CDH1: variants seen among roughly 807,000 people sequenced by gnomAD.
CDH1 encodes the protein cadherin 1, also known as cadherin-1.
Under a neutral mutation model 84.5 loss-of-function variants are expected in CDH1, and 35 were observed. That is an observed-to-expected ratio of 0.41 (90% confidence interval 0.32 to 0.55). CDH1 has a LOEUF of 0.55. Ranked by LOEUF, CDH1 falls within the 20% of genes least tolerant of loss-of-function variation. The pLI, the probability that CDH1 is intolerant of heterozygous loss-of-function variation, is 0.19. For missense variants in CDH1, 994 were observed against 1,126.6 expected (o/e 0.88, Z 1.68); for synonymous variants, 417 against 439.0 (o/e 0.95, Z 0.63).
In CDH1 at chr16:68,808,416, C is replaced by G. The variant is rs774601444; in HGVS notation, c.388-8C>G. On this transcript the variant is annotated splice_polypyrimidine_tract_variant and splice_region_variant and intron_variant, in intron 3 of 15. Coordinates refer to ENST00000261769, the MANE Select transcript of CDH1 (RefSeq NM_004360.5). ...TCTTATCTTGTTCCTCATCTTCTTTCCTTTTAGGCCTCCGTTTCTGGAATC... is the reference window on the plus strand; with the variant it reads ...TCTTATCTTGTTCCTCATCTTCTTTGCTTTTAGGCCTCCGTTTCTGGAATC... 1 of 1,614,146 alleles carries G rather than the reference C, an allele frequency of 6.2e-7. No individual in the cohort carries two copies. The highest frequency in any genetic ancestry group is 8.5e-7 in the Non-Finnish European group (1 of 1,179,992).
At position 68,835,313 on chromosome 16, in the gene CDH1, A is replaced by G. The variant is rs2152145002; in HGVS notation, c.*1814A>G. 4.4e-6 allele frequency: 1 copy of G among 225,522 alleles called. No homozygotes were observed. The highest frequency in any genetic ancestry group is 8.8e-6 in the Non-Finnish European group (1 of 113,164). 14.0% of individuals were successfully genotyped at this position (225,522 alleles called of 1,614,324 possible). On this transcript the variant is annotated 3_prime_UTR_variant, in exon 16 of 16. Coordinates refer to ENST00000261769, the MANE Select transcript of CDH1 (RefSeq NM_004360.5). Reference sequence around the variant, plus strand: ...TTTCTCAAGTGTTTTGGAGAAAAAAATCAACCCTGCAATCACTTTTTGGAA... The same window carrying G: ...TTTCTCAAGTGTTTTGGAGAAAAAAGTCAACCCTGCAATCACTTTTTGGAA...
chr16:68,810,069 A>AGAC, intron 5 of CDH1, 128 bp from the exon 6 acceptor site: 1 of 908,990 alleles, frequency 1.1e-6, no homozygotes, highest in Non-Finnish European at 1.8e-6. Flanking sequence ...GAGAAAAGTC[A>AGAC]CCCACTGGGG....
At chr16:68,767,893 C>T (rs983000820) in intron 2 of CDH1, among the ~76,000 whole-genome samples, 1 of 152,004 alleles carries the variant, frequency 6.6e-6, no homozygotes, top group Non-Finnish European at 1.5e-5. Context: ...CTAAGTGTTC[C>T]AGACCAGCTG....
At chr16:68,795,040 TCA>T (rs1960321913) in intron 2 of CDH1, among the ~76,000 whole-genome samples, 1 of 152,170 alleles carries the variant, frequency 6.6e-6, no homozygotes, top group Admixed American at 6.5e-5. Flanking sequence ...AAATGAGGTT[TCA>T]CTATGTTGCT....
At chr16:68,755,760 ATTTTT>A (rs34523825) in intron 2 of CDH1, among the ~76,000 whole-genome samples, 1 of 122,464 alleles carries the variant, frequency 8.2e-6, no homozygotes. Context: ...AGTTTTCTAA[ATTTTT>A]TTTTTTTTTT....
At chr16:68,743,425 G>T (rs772191573) in intron 2 of CDH1, among the ~76,000 whole-genome samples, 2 of 151,252 alleles carry the variant, frequency 1.3e-5, no homozygotes, top group African/African-American at 2.4e-5. Context: ...GTGTAGAGAG[G>T]TAGGATCTCA....
rs761981219 is a variant in CDH1 at position 68,811,853 on chromosome 16, C to A, written c.1002C>A (p.Asp334Glu). Residue 334 changes from aspartate to glutamate, a missense_variant, in exon 7 of 16, where the codon GAC becomes GAA. Asp to Glu is a conservative substitution (Grantham distance 45, BLOSUM62 2). This residue lies in a region of CDH1 where 769 missense variants were observed against 881.8 expected (regional missense o/e 0.87). Transcript: ENST00000261769. ...TCAGTGTGGTCACCACTGGGCTGGACCGAGAGGTCAGGGGTCAGGAGGATC... is the reference window on the plus strand; with the variant it reads ...TCAGTGTGGTCACCACTGGGCTGGAACGAGAGGTCAGGGGTCAGGAGGATC... Reference protein sequence around the residue: ...GVISVVTTGLDRESFPTYTLV... With the variant: ...GVISVVTTGLERESFPTYTLV... 1 of 1,614,094 alleles carries A rather than the reference C, an allele frequency of 6.2e-7. No individual in the cohort carries two copies. The highest frequency in any genetic ancestry group is 8.5e-7 in the Non-Finnish European group (1 of 1,180,008).
intron 2 of CDH1, among the ~76,000 whole-genome samples, chr16:68,746,086 G>T (rs1332064907): frequency 6.6e-6 from 1 of 152,168 alleles, no homozygotes; most frequent in Non-Finnish European, 1.5e-5. Context: ...CAAAGTGCTG[G>T]GATCGCACGC....
chr16:68,806,213 A>C (rs761822366), intron 3 of CDH1, among the ~76,000 whole-genome samples: 3 of 151,546 alleles, frequency 2.0e-5, no homozygotes, highest in African/African-American at 4.9e-5. Flanking sequence ...GTGCAGTGGC[A>C]TGATCTCAGC....
intron 2 of CDH1, among the ~76,000 whole-genome samples, chr16:68,796,472 C>T (rs963325506): frequency 6.6e-6 from 1 of 152,078 alleles, no homozygotes; most frequent in South Asian, 2.1e-4. Flanking sequence ...ACCAGGCGGG[C>T]GTGGGAGAAG....
chr16:68,752,724 C>A (rs977321503), intron 2 of CDH1, among the ~76,000 whole-genome samples: 50 of 152,088 alleles, frequency 3.3e-4, no homozygotes, highest in African/African-American at 1.2e-3. Context: ...GTAACCTTAC[C>A]TAATTGTCTT....
At chr16:68,813,043 T>A (rs1960882505) in intron 8 of CDH1, among the ~76,000 whole-genome samples, 1 of 151,996 alleles carries the variant, frequency 6.6e-6, no homozygotes, top group Admixed American at 6.6e-5. Context: ...CCTTGTCACA[T>A]CTTCTCCTTG....
rs1596978912 is a variant in CDH1, at chr16:68,835,478, G to A, written c.*1979G>A. Reference sequence around the variant, plus strand: ...GGGGTGGAAAAGGAAAACAATTCAAGCTGAGAAAAGTATTCTCAAAGATGC... The same window carrying A: ...GGGGTGGAAAAGGAAAACAATTCAAACTGAGAAAAGTATTCTCAAAGATGC... On this transcript the variant is annotated 3_prime_UTR_variant, in exon 16 of 16. Transcript: ENST00000261769. The A allele has an allele frequency of 9.7e-6, 2 of 207,204 alleles. No homozygotes were observed. The highest frequency in any genetic ancestry group is 1.5e-4 in the East Asian group (2 of 13,630). The allele number at this position is 207,204 out of a possible 1,614,324, so 12.8% of individuals were successfully genotyped here.
intron 2 of CDH1, among the ~76,000 whole-genome samples, chr16:68,739,229 A>G (rs1197749627): frequency 1.3e-5 from 2 of 151,984 alleles, no homozygotes; most frequent in African/African-American, 2.4e-5. Flanking sequence ...CCTGGCCAAC[A>G]TGGTGAAACC....
intron 5 of CDH1, chr16:68,809,049 A>G: frequency 1.7e-6 from 1 of 600,378 alleles, no homozygotes; most frequent in East Asian, 2.9e-5. Flanking sequence ...GTCAGGAAGA[A>G]AGGAAGGAGA....
intron 2 of CDH1, among the ~76,000 whole-genome samples, 159 bp from the exon 3 acceptor site, chr16:68,801,511 C>T (rs1960496765): frequency 6.6e-6 from 1 of 152,158 alleles, no homozygotes; most frequent in Admixed American, 6.5e-5. Context: ...TTGTGAAGAA[C>T]ATTATGGTGA....
At chr16:68,745,549 A>AAAAATATATATATATATATGT (rs1555510453) in intron 2 of CDH1, among the ~76,000 whole-genome samples, 1 of 75,182 alleles carries the variant, frequency 1.3e-5, no homozygotes, top group Non-Finnish European at 2.4e-5. Flanking sequence ...AAAAAAAAAA[A>AAAAATATATATATATATATGT]ATATATATAT....
intron 2 of CDH1, among the ~76,000 whole-genome samples, chr16:68,753,103 T>A (rs931399907): frequency 6.6e-6 from 1 of 150,546 alleles, no homozygotes; most frequent in African/African-American, 2.4e-5. Context: ...ATCCCAGCAC[T>A]TCGGGAGGCC....
intron 10 of CDH1, among the ~76,000 whole-genome samples, chr16:68,817,692 A>T (rs1033146301): frequency 2.6e-5 from 4 of 152,084 alleles, no homozygotes; most frequent in African/African-American, 9.7e-5. Context: ...GATTACCTGA[A>T]TCTAAATTTT....
Sources: gnomAD v4.1 joint callset for allele counts (sites outside exome capture counted in the v4.1 genomes callset) on GRCh38, gnomAD v4.1.1 for gene constraint, gnomAD v4.1.1 regional missense constraint, MANE v1.5 for transcripts, NCBI Gene and HGNC (gene_info 2026-07-23, HGNC 2026-07-21) for gene names.